CBFA2T3: variants seen among roughly 807,000 people sequenced by gnomAD.
CBFA2T3 encodes the protein transcriptional corepressor CBFA2T3.
Under a neutral mutation model 58.6 loss-of-function variants are expected in CBFA2T3, and 31 were observed. The observed-to-expected ratio is 0.53, with a 90% CI of 0.40 to 0.71. The LOEUF is 0.71. CBFA2T3 is among the 30% of genes least tolerant of loss of function. The pLI is 0.00. For synonymous variants in CBFA2T3, 531 were observed against 421.9 expected (o/e 1.26, Z -3.17); for missense variants, 1,076 against 963.1 (o/e 1.12, Z -1.55).
chr16:88,879,314 C>G lies in CBFA2T3; in HGVS notation c.1618G>C (p.Glu540Gln). The G allele has an allele frequency of 1.2e-6, 2 of 1,609,532 alleles. No homozygotes were observed. Among genetic ancestry groups the G allele is most frequent in the East Asian group, 4.5e-5 (2 of 44,810 alleles). The change falls in exon 11 of 12, where the codon GAG (glutamate) becomes CAG (glutamine). Residue 540 changes from glutamate (E) to glutamine (Q), a missense_variant. By Grantham distance (29) the Glu-to-Gln change is conservative. Coordinates refer to ENST00000268679, the MANE Select transcript of CBFA2T3 (RefSeq NM_005187.6). Reference protein sequence around the residue: ...ALAEAKRQASEDALTVINQQE... With the variant: ...ALAEAKRQASQDALTVINQQE... ...TGGTTGATGACCGTCAGGGCGTCCT[C>G]GGAGGCCTGCCGCTTCGCCTCGGCC...
chr16:88,937,009 A>G, intron 1 of CBFA2T3: 1 of 152,308 alleles, frequency 6.6e-6, no homozygotes, highest in African/African-American at 2.4e-5. Context: ...TTTCCACTCC[A>G]GGAATTTTTT....
intron 1 of CBFA2T3, among the ~76,000 whole-genome samples, chr16:88,915,897 C>A (rs939121171): frequency 2.6e-5 from 4 of 152,074 alleles, no homozygotes; most frequent in African/African-American, 9.7e-5. Context: ...CTCTCAGGAG[C>A]GTCACGGTGC....
rs556948922 is a variant in CBFA2T3 at position 88,927,093 on chromosome 16, G to A, written c.152-25437C>T. On this transcript the variant is annotated intron_variant, in intron 1 of 11. Transcript: ENST00000268679. ...CGGCCCTTGGTGGGGCAACATCATC[G>A]CTGCTCCCTTCCTTCACTCTGTCTC... Among the ~76,000 whole-genome samples the A allele has an allele frequency of 6.0e-4, 91 of 152,268 alleles. 1 individual carries two copies. Among genetic ancestry groups the A allele is most frequent in the African/African-American group, 2.1e-3 (86 of 41,546 alleles).
At chr16:88,944,049 C>T (rs917263711) in intron 1 of CBFA2T3, among the ~76,000 whole-genome samples, 2 of 152,094 alleles carry the variant, frequency 1.3e-5, no homozygotes, top group Non-Finnish European at 2.9e-5. Context: ...TTAAAAGAAA[C>T]CACCACGGCC....
intron 1 of CBFA2T3, among the ~76,000 whole-genome samples, chr16:88,910,035 G>A (rs1187717371): frequency 6.6e-6 from 1 of 152,222 alleles, no homozygotes; most frequent in African/African-American, 2.4e-5. Flanking sequence ...ACAGTGGCCC[G>A]GCTGTTCCTC....
At chr16:88,891,019 G>T (rs1428324169) in intron 5 of CBFA2T3, among the ~76,000 whole-genome samples, 1 of 152,128 alleles carries the variant, frequency 6.6e-6, no homozygotes, top group African/African-American at 2.4e-5. Context: ...GGGCCGGGCC[G>T]AGAGCCTGCA....
intron 1 of CBFA2T3, among the ~76,000 whole-genome samples, chr16:88,918,555 C>T (rs1970813256): frequency 6.6e-6 from 1 of 152,250 alleles, no homozygotes; most frequent in Non-Finnish European, 1.5e-5. Context: ...AAGCGTGCGG[C>T]CCACCAACCT....
intron 1 of CBFA2T3, among the ~76,000 whole-genome samples, chr16:88,952,587 C>T (rs926487812): frequency 1.3e-5 from 2 of 152,126 alleles, no homozygotes; most frequent in African/African-American, 2.4e-5. Context: ...GCCTGCTGCT[C>T]GCCCCCATCG....
intron 1 of CBFA2T3, among the ~76,000 whole-genome samples, chr16:88,923,828 C>G (rs973177424): frequency 6.6e-6 from 1 of 152,184 alleles, no homozygotes; most frequent in African/African-American, 2.4e-5. Flanking sequence ...GAATGCCGAA[C>G]CCACCCCCGA....
chr16:88,886,006 A>T lies in CBFA2T3; in HGVS notation c.848T>A (p.Leu283Gln), dbSNP rs1969354734. The T allele has an allele frequency of 1.3e-6, 2 of 1,559,132 alleles. No individual in the cohort carries two copies. The highest frequency in any genetic ancestry group is 3.9e-5 in the Admixed American group (2 of 51,512). The part of the protein sequence containing the change: ...SASSPIDSSE[L>Q]LLEVNENGKR... ...GCCGTTCTCGTTGACTTCCAGTAGC[A>T]GCTCTGAGGAGTCGATGGGGGAGGA... The change falls in exon 6 of 12, where the codon CTG becomes CAG. Residue 283 changes from leucine to glutamine, a missense_variant. By Grantham distance (113) the Leu-to-Gln change is moderately radical (BLOSUM62 -2). Transcript: ENST00000268679.
At chr16:88,888,189 G>A (rs988035302) in intron 5 of CBFA2T3, among the ~76,000 whole-genome samples, 7 of 151,938 alleles carry the variant, frequency 4.6e-5, no homozygotes, top group Admixed American at 2.6e-4. Context: ...TTCCAGCCAA[G>A]CAGGCCCCCA....
At chr16:88,965,010 A>T (rs1972462361) in intron 1 of CBFA2T3, among the ~76,000 whole-genome samples, 1 of 148,920 alleles carries the variant, frequency 6.7e-6, no homozygotes, top group African/African-American at 2.5e-5. Context: ...CCATCTATCC[A>T]TCCATCCACC....
At chr16:88,923,617 C>G (rs1448374098) in intron 1 of CBFA2T3, among the ~76,000 whole-genome samples, 1 of 152,240 alleles carries the variant, frequency 6.6e-6, no homozygotes, top group Non-Finnish European at 1.5e-5. Context: ...GCTGCAGGCT[C>G]TGCACAGCCC....
At chr16:88,896,120 G>T (rs1293130994) in intron 3 of CBFA2T3, among the ~76,000 whole-genome samples, 1 of 152,176 alleles carries the variant, frequency 6.6e-6, no homozygotes, top group East Asian at 1.9e-4. Flanking sequence ...GAGGCTGTTG[G>T]CAATAAACAG....
chr16:88,901,522 A>AG lies in CBFA2T3; in HGVS notation c.285dup (p.Ser96LeufsTer171), dbSNP rs746278669. 1.9e-5 allele frequency: 28 copies of AG among 1,467,176 alleles called. No homozygotes were observed. The highest frequency in any genetic ancestry group is 2.3e-5 in the Non-Finnish European group (25 of 1,110,434). 90.9% of individuals were successfully genotyped at this position (1,467,176 alleles called of 1,614,324 possible). ...TACTTACGTGTGTGTGGCGTGAAGG[A>AG]GGGGGGGCGTGTGGCCCCCTGGGAT... is the stretch of plus-strand genomic sequence containing the variant. On this transcript the variant is annotated frameshift_variant, in exon 2 of 12. Transcript: ENST00000268679. LOFTEE classifies it high-confidence loss of function.
At chr16:88,947,807 A>AG (rs1971943810) in intron 1 of CBFA2T3, among the ~76,000 whole-genome samples, 1 of 152,230 alleles carries the variant, frequency 6.6e-6, no homozygotes, top group Non-Finnish European at 1.5e-5. Context: ...CCAGCTACTC[A>AG]GGGGGCTGAG....
At chr16:88,894,646 G>A (rs1003490407) in intron 3 of CBFA2T3, among the ~76,000 whole-genome samples, 5 of 152,188 alleles carry the variant, frequency 3.3e-5, no homozygotes, top group African/African-American at 4.8e-5. Flanking sequence ...TGATGTACAC[G>A]CTCGTCTCTC....
chr16:88,900,572 C>T (rs556863115), intron 2 of CBFA2T3, among the ~76,000 whole-genome samples: 10 of 152,296 alleles, frequency 6.6e-5, no homozygotes, highest in South Asian at 4.1e-4. Context: ...TCAGGCTCCC[C>T]GCCCAGAGAG....
chr16:88,895,936 C>T (rs1053068665), intron 3 of CBFA2T3, among the ~76,000 whole-genome samples: 35 of 152,302 alleles, frequency 2.3e-4, no homozygotes, highest in Non-Finnish European at 2.9e-5. Flanking sequence ...CCTGGAGTTC[C>T]AAGTGGGGCT....
Sources: gnomAD v4.1 joint callset for allele counts (sites outside exome capture counted in the v4.1 genomes callset) on GRCh38, gnomAD v4.1.1 for gene constraint, MANE v1.5 for transcripts, NCBI Gene and HGNC (gene_info 2026-07-23, HGNC 2026-07-21) for gene names.